SFMBT2: variants seen among roughly 807,000 people sequenced by gnomAD.
The protein encoded by SFMBT2 is scm-like with four MBT domains protein 2.
SFMBT2 carries 38 observed loss-of-function variants against 110.1 expected under a neutral mutation model. The observed-to-expected ratio is 0.35, with a 90% CI of 0.27 to 0.45. SFMBT2 has a LOEUF of 0.45. Among genes scored for constraint, SFMBT2 ranks in the 20% least tolerant of loss-of-function variants. The pLI is 1.00. For missense variants in SFMBT2, 1,011 were observed against 1,094.9 expected (o/e 0.92, Z 1.08); for synonymous variants, 425 against 425.4 (o/e 1.00, Z 0.01).
At position 7,172,992 on chromosome 10, in the gene SFMBT2, G is replaced by A. The variant is rs1837937303; in HGVS notation, c.1985-331C>T. Reference sequence around the variant, plus strand: ...AATGAGGTCCTAAGAGTGTCCAGGAGAGACACCAAGGACCCAAGACCCAAA... The same window carrying A: ...AATGAGGTCCTAAGAGTGTCCAGGAAAGACACCAAGGACCCAAGACCCAAA... On this transcript the variant is annotated intron_variant, in intron 17 of 20. Transcript: ENST00000397167. The surrounding 1 kb of genome is among the most constrained non-coding windows in gnomAD (Gnocchi z 4.6). Among the ~76,000 whole-genome samples the A allele has an allele frequency of 1.3e-5, 2 of 152,130 alleles. No individual in the cohort carries two copies. Among genetic ancestry groups the A allele is most frequent in the African/African-American group, 4.8e-5 (2 of 41,428 alleles).
chr10:7,221,211 C>T (rs925963964), intron 10 of SFMBT2, among the ~76,000 whole-genome samples: 8 of 152,056 alleles, frequency 5.3e-5, no homozygotes, highest in South Asian at 2.1e-4. Context: ...AGTGGGAACA[C>T]GGAATTTCCA....
At chr10:7,399,420 C>T (rs1167100374) in intron 1 of SFMBT2, among the ~76,000 whole-genome samples, 1 of 151,954 alleles carries the variant, frequency 6.6e-6, no homozygotes, top group Admixed American at 6.6e-5. Flanking sequence ...TTAGTAGAGA[C>T]GGGGTTTCAC....
At position 7,172,748 on chromosome 10, in the gene SFMBT2, T is replaced by A; in HGVS notation, c.1985-87A>T. 2.1e-6 allele frequency: 3 copies of A among 1,430,202 alleles called. No individual in the cohort carries two copies. Among genetic ancestry groups the A allele is most frequent in the Non-Finnish European group, 2.8e-6 (3 of 1,059,958 alleles). The allele number at this position is 1,430,202 out of a possible 1,614,324, so 88.6% of individuals were successfully genotyped here. The stretch of plus-strand genomic sequence containing the variant: ...GAGGAGAGAGAAAGAAGGGAAACGA[T>A]TCTTTCATCTGATAGTTCATTTGTG... On this transcript the variant is annotated intron_variant, in intron 17 of 20. Coordinates refer to ENST00000397167, the MANE Select transcript of SFMBT2 (RefSeq NM_001387889.1). This position sits in a 1 kb window ranked among gnomAD's most constrained non-coding sequence, Gnocchi z 4.6.
intron 12 of SFMBT2, chr10:7,203,549 T>C: frequency 1.4e-5 from 5 of 352,050 alleles, no homozygotes; most frequent in Non-Finnish European, 2.0e-5. Flanking sequence ...CCCAAAGCAC[T>C]TGCACCCTCC....
chr10:7,329,634 G>T, intron 4 of SFMBT2: 1 of 409,738 alleles, frequency 2.4e-6, no homozygotes, highest in Non-Finnish European at 3.3e-6. Context: ...AACACAGCAA[G>T]GCAGGCTCGT....
chr10:7,337,716 C>T (rs942860011), intron 4 of SFMBT2, among the ~76,000 whole-genome samples: 6 of 152,062 alleles, frequency 3.9e-5, no homozygotes, highest in African/African-American at 1.4e-4. Context: ...TTCTTTGTAG[C>T]AGTGTGAGAA....
At chr10:7,188,505 G>A (rs745770750) in intron 16 of SFMBT2, 119 bp downstream of exon 16, 11 of 731,186 alleles carry the variant, frequency 1.5e-5, no homozygotes, top group South Asian at 2.2e-5. Context: ...ACTGCAGAAC[G>A]AACGTCCTTC....
At chr10:7,269,677 A>T (rs1841509932) in intron 7 of SFMBT2, among the ~76,000 whole-genome samples, 2 of 151,570 alleles carry the variant, frequency 1.3e-5, no homozygotes, top group South Asian at 4.2e-4. Context: ...AGTGATGATC[A>T]ACAGTGATAA....
intron 4 of SFMBT2, among the ~76,000 whole-genome samples, chr10:7,362,692 G>A (rs998073685): frequency 5.9e-5 from 9 of 152,202 alleles, no homozygotes; most frequent in Non-Finnish European, 1.2e-4. Flanking sequence ...TGATTACTCA[G>A]CTAAGGGCTA....
chr10:7,314,990 G>C (rs1842948508), intron 4 of SFMBT2, among the ~76,000 whole-genome samples: 1 of 142,128 alleles, frequency 7.0e-6, no homozygotes, highest in African/African-American at 2.6e-5. Context: ...GAAAGAGAAA[G>C]AAAGAAAGAA....
intron 8 of SFMBT2, among the ~76,000 whole-genome samples, chr10:7,248,015 G>T (rs1007783488): frequency 1.3e-5 from 2 of 152,006 alleles, no homozygotes; most frequent in Non-Finnish European, 2.9e-5. Flanking sequence ...TGACCTGCTG[G>T]GATATTACAA....
rs1248985163 is a variant in SFMBT2, at chr10:7,171,678, C to T, written c.2415+217G>A. 3.1e-5 allele frequency: 23 copies of T among 739,328 alleles called. No homozygotes were observed. The highest frequency in any genetic ancestry group is 7.6e-5 in the African/African-American group (4 of 52,470). The allele number at this position is 739,328 out of a possible 1,614,324, so 45.8% of individuals were successfully genotyped here. On this transcript the variant is annotated intron_variant, in intron 19 of 20. Coordinates refer to ENST00000397167, the MANE Select transcript of SFMBT2 (RefSeq NM_001387889.1). The surrounding 1 kb of genome is among the most constrained non-coding windows in gnomAD (Gnocchi z 4.9). ...GCACTAAAGCCGTCCAGGAAAGAGG[C>T]GCTGTCTCCACCCTGGGCACTCCAT... is the stretch of plus-strand genomic sequence containing the variant.
intron 1 of SFMBT2, among the ~76,000 whole-genome samples, chr10:7,407,328 T>C (rs1054681516): frequency 6.6e-6 from 1 of 152,042 alleles, no homozygotes; most frequent in East Asian, 1.9e-4. Flanking sequence ...ACATGGGTTC[T>C]TTCCCTTGGT....
intron 4 of SFMBT2, among the ~76,000 whole-genome samples, chr10:7,315,088 G>GAAAGAAAGAA (rs1842967205): frequency 6.9e-6 from 1 of 145,638 alleles, no homozygotes. Context: ...AAGAAAGAAA[G>GAAAGAAAGAA]AAAGAAAGAA....
intron 4 of SFMBT2, among the ~76,000 whole-genome samples, chr10:7,343,238 C>T (rs1277059512): frequency 6.6e-6 from 1 of 151,254 alleles, no homozygotes; most frequent in Non-Finnish European, 1.5e-5. Flanking sequence ...TTTTTAATGG[C>T]TGCGTAGTAT....
At chr10:7,248,248 G>A (rs577739523) in intron 8 of SFMBT2, among the ~76,000 whole-genome samples, 1 of 152,336 alleles carries the variant, frequency 6.6e-6, no homozygotes, top group South Asian at 2.1e-4. Context: ...CATGCAGGAA[G>A]AACAAATTAC....
chr10:7,222,784 C>T (rs1293157797), intron 10 of SFMBT2, among the ~76,000 whole-genome samples: 1 of 152,110 alleles, frequency 6.6e-6, no homozygotes, highest in East Asian at 1.9e-4. Context: ...ATTCTCCTGC[C>T]TCAGCATCCT....
chr10:7,222,519 T>C (rs1839775462), intron 10 of SFMBT2, among the ~76,000 whole-genome samples: 1 of 152,204 alleles, frequency 6.6e-6, no homozygotes, highest in Non-Finnish European at 1.5e-5. Context: ...TGTCCTCATG[T>C]GGTCAGGCCT....
chr10:7,322,791 CA>C (rs1256644509), intron 4 of SFMBT2, among the ~76,000 whole-genome samples: 1 of 152,174 alleles, frequency 6.6e-6, no homozygotes, highest in Admixed American at 6.5e-5. Flanking sequence ...CACAGAAAGA[CA>C]GGATTTCACA....
Sources: allele counts gnomAD v4.1 joint callset (sites outside exome capture counted in the v4.1 genomes callset), GRCh38; gene constraint gnomAD v4.1.1; non-coding constraint Gnocchi (gnomAD v3.1); transcripts MANE v1.5; gene names NCBI Gene and HGNC (gene_info 2026-07-23, HGNC 2026-07-21).